The following ACAP3 variants were observed in gnomAD, a reference collection of about 807,000 sequenced individuals.
ACAP3 encodes arf-GAP with coiled-coil, ANK repeat and PH domain-containing protein 3.
A neutral mutation model predicts 104.1 loss-of-function variants in ACAP3; 56 were observed. The ratio of observed to expected loss-of-function variants is 0.54; its 90% CI spans 0.43 to 0.67. The LOEUF is 0.67. ACAP3 is among the 30% of genes least tolerant of loss of function. The pLI is 0.00. For synonymous variants in ACAP3, 628 were observed against 496.2 expected (o/e 1.27, Z -3.53); for missense variants, 1,208 against 1,174.9 (o/e 1.03, Z -0.41).
rs771514837 is a variant in ACAP3 at position 1,298,543 on chromosome 1, C to T, written c.863+24G>A. On this transcript the variant is annotated intron_variant, in intron 11 of 23. Coordinates refer to ENST00000354700, the MANE Select transcript of ACAP3 (RefSeq NM_030649.3). Reference sequence around the variant, plus strand: ...CCCCACCCCCGCCTAAGGACCCCGCCCCCACCTGAGGAAGGCCTCTCACCG... The same window carrying T: ...CCCCACCCCCGCCTAAGGACCCCGCTCCCACCTGAGGAAGGCCTCTCACCG... The T allele has an allele frequency of 3.8e-6, 6 of 1,571,942 alleles. No homozygotes were observed. The East Asian group carries it at 1.3e-4, about 35-fold the overall frequency.
chr1:1,293,958 T>G (rs1188030609), intron 22 of ACAP3, 25 bp from the exon 23 acceptor site: 16 of 1,411,778 alleles, frequency 1.1e-5, no homozygotes, highest in African/African-American at 1.5e-5. Flanking sequence ...CGGAGGGGCG[T>G]GTCGGGGCGG....
rs999850635 is a variant in ACAP3 at position 1,292,425 on chromosome 1, G to C, written c.*1139C>G. On this transcript the variant is annotated 3_prime_UTR_variant, in exon 24 of 24. Transcript: ENST00000354700. ...GTGCTTTATTCAAAGCGAGGGGTGG[G>C]GGGTGAGACCCGCCAGCAGGGGCCT... 1 of 152,356 alleles carries C rather than the reference G, an allele frequency of 6.6e-6. No individual in the cohort carries two copies. The highest frequency in any genetic ancestry group is 2.4e-5 in the African/African-American group (1 of 41,458). The allele number at this position is 152,356 out of a possible 1,614,324, so 9.4% of individuals were successfully genotyped here.
chr1:1,304,093 A>G lies in ACAP3; in HGVS notation c.98T>C (p.Leu33Pro), dbSNP rs1174711365. ...ETDVVEIEAK[L>P]DKLVKLCSGM... ...TCCAGGCCCGCCCTTCACCTTGTCC[A>G]GTTTGGCCTCAATCTCCACCACGTC... Residue 33 changes from leucine to proline, a missense_variant, in exon 2 of 24, where the codon CTG becomes CCG. Physicochemically the swap from Leu to Pro is moderately conservative, Grantham distance 98 (BLOSUM62 -3). Transcript: ENST00000354700. 2 of 1,550,654 alleles carry G rather than the reference A, an allele frequency of 1.3e-6. No individual in the cohort carries two copies. The highest frequency in any genetic ancestry group is 2.4e-5 in the South Asian group (2 of 84,066).
chr1:1,307,594 C>T (rs1641795086), intron 1 of ACAP3, among the ~76,000 whole-genome samples, 175 bp downstream of exon 1: 1 of 152,162 alleles, frequency 6.6e-6, no homozygotes, highest in Non-Finnish European at 1.5e-5. Context: ...GTCTTTTGTT[C>T]CAACCCCCGG....
intron 13 of ACAP3, 34 bp from the exon 14 acceptor site, chr1:1,297,967 G>A: frequency 6.2e-7 from 1 of 1,611,108 alleles, no homozygotes; most frequent in Non-Finnish European, 8.5e-7. Flanking sequence ...GTCAGCTCCG[G>A]TGGGCAGGTA....
Position 1,303,993 on chromosome 1 carries a change from T to C in ACAP3, c.105+93A>G. 1 of 1,437,540 alleles carries C rather than the reference T, an allele frequency of 7.0e-7. No individual in the cohort carries two copies. Among genetic ancestry groups the C allele is most frequent in the Admixed American group, 2.0e-5 (1 of 50,126 alleles). 89.0% of individuals were successfully genotyped at this position (1,437,540 alleles called of 1,614,324 possible). A position where few individuals can be genotyped will look rare whatever the true frequency, so the allele number is the denominator to read the frequency against. On this transcript the variant is annotated intron_variant, in intron 2 of 23. Coordinates refer to ENST00000354700, the MANE Select transcript of ACAP3 (RefSeq NM_030649.3). This position sits in a 1 kb window ranked among gnomAD's most constrained non-coding sequence, Gnocchi z 4.0. ...ACACGCATGCTCCACATATGGGGGG[T>C]GTAAGTGGCTTAGTAAGGCCTGGAG...
chr1:1,294,260 C>G, intron 21 of ACAP3, 61 bp from the exon 22 acceptor site: 1 of 1,526,468 alleles, frequency 6.6e-7, no homozygotes, highest in East Asian at 2.5e-5. Flanking sequence ...CGCCTCTGCA[C>G]CCTGACCCCG....
intron 14 of ACAP3, 104 bp from the exon 15 acceptor site, chr1:1,296,737 C>T (rs1641179215): frequency 2.4e-6 from 3 of 1,261,704 alleles, no homozygotes; most frequent in African/African-American, 1.5e-5. Flanking sequence ...GGCCAGGGCC[C>T]CTCGAGCACA....
intron 5 of ACAP3, among the ~76,000 whole-genome samples, chr1:1,301,231 A>C (rs774700192): frequency 9.6e-5 from 14 of 146,302 alleles, no homozygotes; most frequent in Non-Finnish European, 1.9e-4. Flanking sequence ...CCACCATATA[A>C]GGCTTATTTT....
rs374015208 is a variant in ACAP3 at position 1,293,310 on chromosome 1, CAG to C, written c.*252_*253del. The C allele has an allele frequency of 2.4e-5, 7 of 296,844 alleles. No homozygotes were observed. Among genetic ancestry groups the C allele is most frequent in the African/African-American group, 9.0e-5 (4 of 44,492 alleles). 18.4% of individuals were successfully genotyped at this position (296,844 alleles called of 1,614,324 possible). ...CCCCTGAAAAGGGGTGACCTGAAGA[CAG>C]AGGTTCCCCAGGTGGGGTGAGGGAC... On this transcript the variant is annotated 3_prime_UTR_variant, in exon 24 of 24. Coordinates refer to ENST00000354700, the MANE Select transcript of ACAP3 (RefSeq NM_030649.3).
At position 1,294,602 on chromosome 1, in the gene ACAP3, C is replaced by T; in HGVS notation, c.1939G>A (p.Gly647Ser). 5 of 1,525,532 alleles carry T rather than the reference C, an allele frequency of 3.3e-6. No individual in the cohort carries two copies. The highest frequency in any genetic ancestry group is 4.4e-6 in the Non-Finnish European group (5 of 1,139,744). The allele number at this position is 1,525,532 out of a possible 1,614,324, so 94.5% of individuals were successfully genotyped here. A position where few individuals can be genotyped will look rare whatever the true frequency, so the allele number is the denominator to read the frequency against. ...GCCTCAGTGTCCCCGTCTGCCTCAC[C>T]GCTGGACTCCTCCGACTCTGCACCC... ...EEGAESEESS[G>S]EADGDTEAEA... Residue 647 changes from glycine to serine, a missense_variant, in exon 21 of 24, where the codon GGT (glycine) becomes AGT (serine). Physicochemically the swap from Gly to Ser is moderately conservative, Grantham distance 56. Coordinates refer to ENST00000354700, the MANE Select transcript of ACAP3 (RefSeq NM_030649.3).
Position 1,294,435 on chromosome 1 carries a change from C to G in ACAP3, c.2106G>C (p.Glu702Asp). 3 of 1,576,776 alleles carry G rather than the reference C, an allele frequency of 1.9e-6. No homozygotes were observed. The highest frequency in any genetic ancestry group is 1.1e-5 in the South Asian group (1 of 87,216). Reference protein sequence around the residue: ...AEVNWADAEDEGKTPLVQAVL... With the variant: ...AEVNWADAEDDGKTPLVQAVL... ...CGGCCTGCACCAGCGGCGTCTTGCC[C>G]TCATCCTCCGCGTCCGCCCAGTTGA... Residue 702 changes from glutamate (E) to aspartate (D), a missense_variant, in exon 21 of 24, where the codon GAG becomes GAC. Coordinates refer to ENST00000354700, the MANE Select transcript of ACAP3 (RefSeq NM_030649.3).
chr1:1,298,503 A>G (rs1034483922), intron 11 of ACAP3, 64 bp downstream of exon 11: 66 of 307,144 alleles, frequency 2.1e-4, no homozygotes, highest in Non-Finnish European at 3.5e-4. Context: ...TGAGGACCCC[A>G]CCCCCGCCTG....
Position 1,303,925 on chromosome 1 carries a change from G to A in ACAP3, c.105+161C>T, listed in dbSNP as rs1641566028. On this transcript the variant is annotated intron_variant, in intron 2 of 23. Transcript: ENST00000354700. The surrounding 1 kb of genome is among the most constrained non-coding windows in gnomAD (Gnocchi z 4.0). ...TGTGTGCATGTGACATGTGCACCCTGGAACACACATGCTAAGACACAGGGA... is the reference window on the plus strand; with the variant it reads ...TGTGTGCATGTGACATGTGCACCCTAGAACACACATGCTAAGACACAGGGA... 1 of 837,230 alleles carries A rather than the reference G, an allele frequency of 1.2e-6. No individual in the cohort carries two copies. The highest frequency in any genetic ancestry group is 1.9e-6 in the Non-Finnish European group (1 of 535,118). 51.9% of individuals were successfully genotyped at this position (837,230 alleles called of 1,614,324 possible).
At chr1:1,296,318 AGGCCCCCAGCTCC>A in intron 15 of ACAP3, 38 bp from the exon 16 acceptor site, 4 of 1,549,842 alleles carry the variant, frequency 2.6e-6, no homozygotes, top group East Asian at 4.9e-5. Context: ...GGGGGAGGCA[AGGCCCCCAGCTCC>A]GGCCCAACCC....
At chr1:1,301,363 G>C (rs563713811) in intron 5 of ACAP3, 1 of 145,346 alleles carries the variant, frequency 6.9e-6, no homozygotes, top group South Asian at 2.2e-4. Context: ...GGGCTCAACT[G>C]ATCCTCCCAC....
intron 5 of ACAP3, chr1:1,301,476 C>T (rs115765949): frequency 0.016 from 2,385 of 149,266 alleles, 28 homozygotes; most frequent in South Asian, 0.031. Flanking sequence ...TTACGTTGCC[C>T]AGGCTGGTCT....
intron 2 of ACAP3, 73 bp downstream of exon 2, chr1:1,304,013 C>T (rs1641571567): frequency 3.9e-6 from 6 of 1,538,162 alleles, no homozygotes; most frequent in South Asian, 3.6e-5. Flanking sequence ...TTAGTAAGGC[C>T]TGGAGGGCGA....
chr1:1,299,210 C>T (rs1641333846), intron 10 of ACAP3, 135 bp downstream of exon 10: 6 of 1,188,796 alleles, frequency 5.0e-6, no homozygotes, highest in South Asian at 1.4e-5. Flanking sequence ...CCCTCACAGC[C>T]GCATCAGCAG....
Sources: allele counts gnomAD v4.1 joint callset (sites outside exome capture counted in the v4.1 genomes callset), GRCh38; gene constraint gnomAD v4.1.1; non-coding constraint Gnocchi (gnomAD v3.1); transcripts MANE v1.5; gene names NCBI Gene and HGNC (gene_info 2026-07-23, HGNC 2026-07-21).